Variants in TAFA5 observed in about 807,000 individuals in gnomAD.
TAFA5 encodes the protein chemokine-like protein TAFA-5.
Under a neutral mutation model 15.3 loss-of-function variants are expected in TAFA5, and 6 were observed. The ratio of observed to expected loss-of-function variants is 0.39; its 90% CI spans 0.21 to 0.77. The LOEUF is 0.77. Among genes scored for constraint, TAFA5 ranks in the 30% least tolerant of loss-of-function variants. The pLI is 0.41. For synonymous variants in TAFA5, 103 were observed against 80.7 expected (o/e 1.28, Z -1.48); for missense variants, 161 against 193.1 (o/e 0.83, Z 0.98).
At chr22:48,491,339 C>T (rs1418870725) in intron 1 of TAFA5, among the ~76,000 whole-genome samples, 1 of 152,056 alleles carries the variant, frequency 6.6e-6, no homozygotes, top group Non-Finnish European at 1.5e-5. Flanking sequence ...GAAGAGGAGG[C>T]ATTTGAATGC....
intron 1 of TAFA5, among the ~76,000 whole-genome samples, chr22:48,536,977 C>T (rs928516514): frequency 1.3e-5 from 2 of 152,180 alleles, no homozygotes; most frequent in African/African-American, 2.4e-5. Flanking sequence ...GGACCTGGGA[C>T]GGGGGCTCCC....
At chr22:48,527,516 C>T (rs534368180) in intron 1 of TAFA5, among the ~76,000 whole-genome samples, 1 of 152,296 alleles carries the variant, frequency 6.6e-6, no homozygotes, top group Non-Finnish European at 1.5e-5. Flanking sequence ...TGCACGGCCT[C>T]CAGATGGGAA....
At position 48,742,558 on chromosome 22, in the gene TAFA5, G is replaced by T. The variant is rs1013254237; in HGVS notation, c.391-7281G>T. On this transcript the variant is annotated intron_variant, in intron 3 of 3. Transcript: ENST00000402357. This position sits in a 1 kb window ranked among gnomAD's most constrained non-coding sequence, Gnocchi z 6.2. Reference sequence around the variant, plus strand: ...GTGGACCCGGCCGCATGGTGGACCAGGCAACGTGGTAGACTGGGCAGCGTG... The same window carrying T: ...GTGGACCCGGCCGCATGGTGGACCATGCAACGTGGTAGACTGGGCAGCGTG... Among the ~76,000 whole-genome samples, 3 of 152,064 alleles carry T rather than the reference G, an allele frequency of 2.0e-5. No individual in the cohort carries two copies. Among genetic ancestry groups the T allele is most frequent in the African/African-American group, 7.2e-5 (3 of 41,398 alleles).
At chr22:48,693,965 C>T (rs1032201736) in intron 2 of TAFA5, among the ~76,000 whole-genome samples, 7 of 152,196 alleles carry the variant, frequency 4.6e-5, no homozygotes, top group South Asian at 2.1e-4. Context: ...CTTCTGTAGA[C>T]GATTCAGCAT....
intron 1 of TAFA5, among the ~76,000 whole-genome samples, chr22:48,605,429 G>GTAA (rs1925154433): frequency 4.3e-5 from 5 of 116,872 alleles, no homozygotes; most frequent in South Asian, 2.5e-4. Flanking sequence ...GATGGTGGTG[G>GTAA]TGGTGGTGGT....
At chr22:48,632,209 G>A (rs975593006) in intron 1 of TAFA5, among the ~76,000 whole-genome samples, 3 of 152,120 alleles carry the variant, frequency 2.0e-5, no homozygotes, top group African/African-American at 4.8e-5. Context: ...AACCCTTACC[G>A]CCACGGGCCC....
chr22:48,548,852 C>T (rs1314898470), intron 1 of TAFA5, among the ~76,000 whole-genome samples: 9 of 152,244 alleles, frequency 5.9e-5, no homozygotes, highest in Non-Finnish European at 7.3e-5. Context: ...ACCTGGCATA[C>T]AGCAGGTGCT....
At chr22:48,639,306 CACCT>C (rs986112416) in intron 1 of TAFA5, among the ~76,000 whole-genome samples, 7 of 152,250 alleles carry the variant, frequency 4.6e-5, no homozygotes, top group African/African-American at 1.7e-4. Context: ...CCCTCAGCTG[CACCT>C]TGTTTTTGGT....
At chr22:48,513,312 C>T (rs1157455495) in intron 1 of TAFA5, among the ~76,000 whole-genome samples, 1 of 152,226 alleles carries the variant, frequency 6.6e-6, no homozygotes, top group Non-Finnish European at 1.5e-5. Flanking sequence ...CTTGTAACAT[C>T]GAAGCGTTTT....
At chr22:48,678,719 C>T (rs1193471754) in intron 2 of TAFA5, among the ~76,000 whole-genome samples, 2 of 151,694 alleles carry the variant, frequency 1.3e-5, no homozygotes, top group African/African-American at 2.4e-5. Flanking sequence ...CACAGGAAAA[C>T]GCATGATGGA....
At position 48,750,223 on chromosome 22, in the gene TAFA5, C is replaced by T. The variant is rs979691124; in HGVS notation, c.*376C>T. On this transcript the variant is annotated 3_prime_UTR_variant, in exon 4 of 4. Transcript: ENST00000402357. ...GCAGCCCAGCCCGCCTGAGACACGA[C>T]GCCTGCCCCAGGGGACTGTCAGGCA... 14 of 331,908 alleles carry T rather than the reference C, an allele frequency of 4.2e-5. No homozygotes were observed. The South Asian group carries it at 4.2e-4, about 10-fold the overall frequency. The allele number at this position is 331,908 out of a possible 1,614,324, so 20.6% of individuals were successfully genotyped here.
At chr22:48,703,316 C>G (rs1928975007) in intron 2 of TAFA5, among the ~76,000 whole-genome samples, 1 of 152,190 alleles carries the variant, frequency 6.6e-6, no homozygotes, top group African/African-American at 2.4e-5. Flanking sequence ...CCTAAGTCCC[C>G]CCGGACCCCG....
At chr22:48,717,870 AG>A (rs1389779141) in intron 3 of TAFA5, among the ~76,000 whole-genome samples, 1 of 152,234 alleles carries the variant, frequency 6.6e-6, no homozygotes, top group Non-Finnish European at 1.5e-5. Context: ...CTGGAGAGCC[AG>A]GCTTAGGCAT....
intron 1 of TAFA5, among the ~76,000 whole-genome samples, chr22:48,553,087 A>G (rs150051462): frequency 1.7e-3 from 258 of 151,968 alleles, no homozygotes; most frequent in African/African-American, 6.0e-3. Context: ...CTCAGCTCAG[A>G]CCCTGCTGTT....
intron 1 of TAFA5, chr22:48,576,607 G>T (rs1183393263): frequency 1.5e-6 from 2 of 1,359,692 alleles, no homozygotes; most frequent in Admixed American, 2.9e-5. Flanking sequence ...GGTCCTCCGC[G>T]CTCTGCCCGG....
intron 2 of TAFA5, among the ~76,000 whole-genome samples, chr22:48,670,160 G>C (rs1927756347): frequency 6.6e-6 from 1 of 152,232 alleles, no homozygotes; most frequent in Non-Finnish European, 1.5e-5. Flanking sequence ...CGTGTGCTTA[G>C]GGGCTGGCCC....
At chr22:48,564,105 G>T (rs1923330236) in intron 1 of TAFA5, among the ~76,000 whole-genome samples, 2 of 152,246 alleles carry the variant, frequency 1.3e-5, no homozygotes, top group Admixed American at 6.5e-5. Flanking sequence ...GGGGAGTGCG[G>T]TCCACAAAGG....
intron 1 of TAFA5, among the ~76,000 whole-genome samples, chr22:48,583,869 C>A (rs564714756): frequency 4.8e-5 from 7 of 146,902 alleles, no homozygotes; most frequent in African/African-American, 1.7e-4. Context: ...CACACACACA[C>A]GCAACATCAT....
chr22:48,522,766 A>G (rs549441990), intron 1 of TAFA5, among the ~76,000 whole-genome samples: 50 of 152,286 alleles, frequency 3.3e-4, no homozygotes, highest in African/African-American at 1.2e-3. Flanking sequence ...TGGAAGTTTA[A>G]GGCCAACTGT....
Sources: allele counts gnomAD v4.1 joint callset (sites outside exome capture counted in the v4.1 genomes callset), GRCh38; gene constraint gnomAD v4.1.1; non-coding constraint Gnocchi (gnomAD v3.1); transcripts MANE v1.5; gene names NCBI Gene and HGNC (gene_info 2026-07-23, HGNC 2026-07-21).